Variants in LMBRD1 observed in about 807,000 individuals in gnomAD.
The protein encoded by LMBRD1 is LMBR1 domain containing 1.
Under a neutral mutation model 74.8 loss-of-function variants are expected in LMBRD1, and 64 were observed. The observed-to-expected ratio is 0.86, with a 90% CI of 0.70 to 1.05. The LOEUF is 1.05. Ranked by LOEUF, LMBRD1 falls within the 50% of genes least tolerant of loss-of-function variation. LMBRD1 has a pLI of 0.00. For synonymous variants in LMBRD1, 204 were observed against 216.3 expected, an observed-to-expected ratio of 0.94 and a Z score of 0.50; for missense variants, 652 against 645.9, an observed-to-expected ratio of 1.01 and a Z score of -0.10.
Position 69,796,954 on chromosome 6 carries a change from A to AG in LMBRD1, c.-74dup. On this transcript the variant is annotated 5_prime_UTR_variant, in exon 1 of 16. Coordinates refer to ENST00000649934, the MANE Select transcript of LMBRD1 (RefSeq NM_018368.4). ...GGAGGGGGAAAGGGGAGAGAGCGCG[A>AG]GATATACTGCACCCGCGCACCCTAA... The AG allele has an allele frequency of 2.3e-6, 3 of 1,295,564 alleles. No individual in the cohort carries two copies. Among genetic ancestry groups the AG allele is most frequent in the Non-Finnish European group, 3.3e-6 (3 of 906,978 alleles). The allele number at this position is 1,295,564 out of a possible 1,614,324, so 80.3% of individuals were successfully genotyped here. A position where few individuals can be genotyped will look rare whatever the true frequency, so the allele number is the denominator to read the frequency against.
rs576961583 is a variant in LMBRD1, at chr6:69,796,201, A to G, written c.69+612T>C. On this transcript the variant is annotated intron_variant, in intron 1 of 15. Transcript: ENST00000649934. ...ATATACTCCGATACTGGTAATAAAG[A>G]GGGCTACAGCTCCGCCCTCCACAGG... is the stretch of plus-strand genomic sequence containing the variant. 4.6e-5 allele frequency among the ~76,000 whole-genome samples: 7 copies of G among 151,470 alleles called. No homozygotes were observed. The South Asian group carries it at 1.5e-3, about 32-fold the overall frequency.
chr6:69,729,142 A>C (rs1766797781), intron 7 of LMBRD1, among the ~76,000 whole-genome samples: 1 of 150,416 alleles, frequency 6.6e-6, no homozygotes, highest in Non-Finnish European at 1.5e-5. Flanking sequence ...TTCTTAAAAC[A>C]CTACAATTTT....
chr6:69,734,318 T>C (rs1766926811), intron 7 of LMBRD1, among the ~76,000 whole-genome samples: 1 of 152,138 alleles, frequency 6.6e-6, no homozygotes, highest in Non-Finnish European at 1.5e-5. Flanking sequence ...CAGCCCTCTA[T>C]ACAGTAAATC....
chr6:69,702,037 C>A (rs968382815), intron 9 of LMBRD1, 84 bp from the exon 10 acceptor site: 9 of 805,504 alleles, frequency 1.1e-5, no homozygotes, highest in Non-Finnish European at 1.9e-5. Flanking sequence ...ATATGAGTTG[C>A]TAGAATATGA....
rs748191760 is a variant in LMBRD1, at chr6:69,705,427, C to T, written c.916-3474G>A. On this transcript the variant is annotated intron_variant, in intron 9 of 15. Transcript: ENST00000649934. Reference sequence around the variant, plus strand: ...TTTTCTATACTTGCTTGCATTTTTGCTTTAATGTCTTCTACAGAACTAGGT... The same window carrying T: ...TTTTCTATACTTGCTTGCATTTTTGTTTTAATGTCTTCTACAGAACTAGGT... 1.7e-5 allele frequency: 22 copies of T among 1,280,352 alleles called. No homozygotes were observed. In the Admixed American group the frequency reaches 2.4e-4, roughly 14 times the overall value. The allele number at this position is 1,280,352 out of a possible 1,614,324, so 79.3% of individuals were successfully genotyped here.
At chr6:69,708,404 G>C (rs964255205) in intron 9 of LMBRD1, among the ~76,000 whole-genome samples, 12 of 151,984 alleles carry the variant, frequency 7.9e-5, no homozygotes, top group Admixed American at 2.0e-4. Flanking sequence ...ACATCAAAAG[G>C]AACTGCACTG....
chr6:69,790,464 C>G lies in LMBRD1; in HGVS notation c.78G>C (p.Leu26Phe), dbSNP rs1311416581. Residue 26 changes from leucine (L) to phenylalanine (F), a missense_variant, in exon 2 of 16, where the codon TTG (leucine) becomes TTC (phenylalanine). By Grantham distance (22) the Leu-to-Phe change is conservative. Around this residue, in one of 3 missense-constraint regions of LMBRD1, gnomAD observed 598 missense variants for 581.8 expected, o/e 1.03. Coordinates refer to ENST00000649934, the MANE Select transcript of LMBRD1 (RefSeq NM_018368.4). The part of the protein sequence containing the change: ...CIFGLLLLAI[L>F]AFCWIYVRKY... ...TACGAACATATATCCAGCAGAATGCCAAAATAGCCTGAAATAGAACAAAAA... is the reference window on the plus strand; with the variant it reads ...TACGAACATATATCCAGCAGAATGCGAAAATAGCCTGAAATAGAACAAAAA... 4 of 1,613,590 alleles carry G rather than the reference C, an allele frequency of 2.5e-6. No homozygotes were observed. In the African/African-American group the frequency reaches 5.3e-5, roughly 22 times the overall value.
At chr6:69,771,677 G>T (rs969345648) in intron 3 of LMBRD1, among the ~76,000 whole-genome samples, 1 of 147,816 alleles carries the variant, frequency 6.8e-6, no homozygotes, top group Admixed American at 6.6e-5. Context: ...GGCCCTGCAG[G>T]CTTCAGTAAT....
rs561276692 is a variant in LMBRD1, at chr6:69,766,941, G to T, written c.307+13553C>A. ...TCTTCTTAAATCAGTTATGGTAATT[G>T]ATTCAATTGGAAAATTGTCTAGGAA... On this transcript the variant is annotated intron_variant, in intron 3 of 15. Transcript: ENST00000649934. 2.0e-5 allele frequency among the ~76,000 whole-genome samples: 3 copies of T among 151,760 alleles called. No individual in the cohort carries two copies. In the South Asian group the frequency reaches 6.2e-4, roughly 32 times the overall value.
intron 7 of LMBRD1, among the ~76,000 whole-genome samples, chr6:69,730,676 A>G (rs1766835812): frequency 6.6e-6 from 1 of 152,128 alleles, no homozygotes. Context: ...TATGTCTTAA[A>G]AGATAATATG....
Position 69,792,813 on chromosome 6 carries a change from T to C in LMBRD1, c.70-2341A>G, listed in dbSNP as rs569772073. On this transcript the variant is annotated intron_variant, in intron 1 of 15. Coordinates refer to ENST00000649934, the MANE Select transcript of LMBRD1 (RefSeq NM_018368.4). ...TTTCAAGAATGAAAGAAAACCTGCA[T>C]TTTGTAGGTATTACTGCAAACAAAG... is the stretch of plus-strand genomic sequence containing the variant. Among the ~76,000 whole-genome samples, 8 of 152,344 alleles carry C rather than the reference T, an allele frequency of 5.3e-5. No individual in the cohort carries two copies. In the South Asian group the frequency reaches 1.7e-3, roughly 32 times the overall value.
intron 6 of LMBRD1, among the ~76,000 whole-genome samples, chr6:69,739,540 G>A (rs965214190): frequency 6.7e-6 from 1 of 150,100 alleles, no homozygotes; most frequent in Admixed American, 6.6e-5. Context: ...CATGAAAGAT[G>A]CCAGGTATAC....
chr6:69,729,306 G>T (rs1178280825), intron 7 of LMBRD1, among the ~76,000 whole-genome samples: 2 of 149,940 alleles, frequency 1.3e-5, no homozygotes, highest in African/African-American at 2.5e-5. Context: ...TCCCTGACTT[G>T]TAAATGTCCC....
chr6:69,721,093 C>T (rs1038597898), intron 7 of LMBRD1, among the ~76,000 whole-genome samples: 1 of 152,216 alleles, frequency 6.6e-6, no homozygotes, highest in Non-Finnish European at 1.5e-5. Flanking sequence ...GTGGTTGGAA[C>T]TGGAGTTTCT....
At chr6:69,776,215 T>C (rs963205011) in intron 3 of LMBRD1, among the ~76,000 whole-genome samples, 12 of 152,324 alleles carry the variant, frequency 7.9e-5, no homozygotes, top group South Asian at 2.1e-4. Flanking sequence ...AATGGGCCAA[T>C]AGATTTCAAT....
rs1765051947 is a variant in LMBRD1, at chr6:69,748,791, AAAC to A, written c.473+547_473+549del. On this transcript the variant is annotated intron_variant, in intron 5 of 15. Transcript: ENST00000649934. ...CAAAATCTTACTGATATTAGTATAA[AAAC>A]AAGAAGAATTAAGAAAGGGAATTCA... is the stretch of plus-strand genomic sequence containing the variant. Among the ~76,000 whole-genome samples, 7 of 152,258 alleles carry A rather than the reference AAAC, an allele frequency of 4.6e-5. No homozygotes were observed. In the South Asian group the frequency reaches 1.4e-3, roughly 32 times the overall value.
At position 69,741,770 on chromosome 6, in the gene LMBRD1, TA is replaced by T. The variant is rs753603495; in HGVS notation, c.562+18del. Reference sequence around the variant, plus strand: ...AGGAAATATAAACTACTATGTTTTTTAAAAAAAACAATACTTACGACTACTT... The same window carrying T: ...AGGAAATATAAACTACTATGTTTTTTAAAAAAACAATACTTACGACTACTT... On this transcript the variant is annotated intron_variant, in intron 6 of 15. Transcript: ENST00000649934. 1.2e-5 allele frequency: 17 copies of T among 1,403,164 alleles called. No individual in the cohort carries two copies. Among genetic ancestry groups the T allele is most frequent in the Non-Finnish European group, 1.6e-5 (16 of 989,548 alleles). The allele number at this position is 1,403,164 out of a possible 1,614,324, so 86.9% of individuals were successfully genotyped here.
intron 3 of LMBRD1, among the ~76,000 whole-genome samples, chr6:69,776,407 C>G (rs777436850): frequency 2.6e-5 from 4 of 152,194 alleles, no homozygotes; most frequent in Admixed American, 2.6e-4. Context: ...AGCACCTAAA[C>G]TGGTACCTAA....
chr6:69,711,026 T>G (rs1325926459), intron 9 of LMBRD1, among the ~76,000 whole-genome samples: 1 of 152,166 alleles, frequency 6.6e-6, no homozygotes, highest in Non-Finnish European at 1.5e-5. Flanking sequence ...GCATTATTCA[T>G]TATAGTCTCA....
Sources: allele counts gnomAD v4.1 joint callset (sites outside exome capture counted in the v4.1 genomes callset), GRCh38; gene constraint gnomAD v4.1.1; regional missense constraint gnomAD v4.1.1; transcripts MANE v1.5; gene names NCBI Gene and HGNC (gene_info 2026-07-23, HGNC 2026-07-21).